CPNE8: variants seen among roughly 807,000 people sequenced by gnomAD.
CPNE8 encodes copine 8, also known as copine-8.
A neutral mutation model predicts 81.5 loss-of-function variants in CPNE8; 45 were observed. The observed-to-expected ratio is 0.55, with a 90% CI of 0.44 to 0.71. The LOEUF is 0.71. CPNE8 is among the 30% of genes least tolerant of loss of function. The pLI is 0.00. For missense variants in CPNE8, 594 were observed against 672.1 expected (o/e 0.88, Z 1.28); for synonymous variants, 252 against 226.3 (o/e 1.11, Z -1.02).
Position 38,699,589 on chromosome 12 carries a change from C to T in CPNE8, c.961+3286G>A, listed in dbSNP as rs374854095. Among the ~76,000 whole-genome samples, 11 of 152,156 alleles carry T rather than the reference C, an allele frequency of 7.2e-5. No homozygotes were observed. The East Asian group carries it at 1.4e-3, about 19-fold the overall frequency. On this transcript the variant is annotated intron_variant, in intron 14 of 19. Coordinates refer to ENST00000331366, the MANE Select transcript of CPNE8 (RefSeq NM_153634.3). Reference sequence around the variant, plus strand: ...TCCTTCCTTCTTTCCTTCCTTCCTTCCTTTCCCTCATTCTTACCTTTTGGT... The same window carrying T: ...TCCTTCCTTCTTTCCTTCCTTCCTTTCTTTCCCTCATTCTTACCTTTTGGT...
chr12:38,661,466 G>C (rs1938951334), intron 19 of CPNE8, among the ~76,000 whole-genome samples: 1 of 152,070 alleles, frequency 6.6e-6, no homozygotes, highest in Non-Finnish European at 1.5e-5. Flanking sequence ...TGGGGGTGGG[G>C]GACGTGGGGA....
At chr12:38,791,234 C>T (rs145233036) in intron 6 of CPNE8, among the ~76,000 whole-genome samples, 120 of 151,640 alleles carry the variant, frequency 7.9e-4, no homozygotes, top group African/African-American at 2.8e-3. Flanking sequence ...TTCATTTCTC[C>T]CAGACTTTAC....
At chr12:38,783,845 T>A (rs1942107447) in intron 6 of CPNE8, among the ~76,000 whole-genome samples, 1 of 152,166 alleles carries the variant, frequency 6.6e-6, no homozygotes, top group African/African-American at 2.4e-5. Flanking sequence ...ACAGTTTAGA[T>A]CACAACACTC....
intron 16 of CPNE8, among the ~76,000 whole-genome samples, chr12:38,680,526 A>C (rs1939386093): frequency 6.6e-6 from 1 of 152,036 alleles, no homozygotes; most frequent in Non-Finnish European, 1.5e-5. Context: ...CAGAGATAAA[A>C]AGGCTTAAAG....
At chr12:38,883,408 T>C (rs1229580015) in intron 1 of CPNE8, among the ~76,000 whole-genome samples, 1 of 152,184 alleles carries the variant, frequency 6.6e-6, no homozygotes, top group South Asian at 2.1e-4. Context: ...AATTAGGCAG[T>C]ATTGGAAAGA....
At chr12:38,818,492 A>G (rs932550563) in intron 6 of CPNE8, among the ~76,000 whole-genome samples, 2 of 152,154 alleles carry the variant, frequency 1.3e-5, no homozygotes, top group Admixed American at 6.5e-5. Context: ...ACAGTATTCT[A>G]TGGTGTATAT....
In CPNE8 at chr12:38,802,607, G is replaced by T. The variant is rs544178307; in HGVS notation, c.408-26306C>A. ...CATCACAATTAAAAGAACTATAAAA[G>T]CAAGAGCAAACACATTCAAAAGCTG... is the stretch of plus-strand genomic sequence containing the variant. On this transcript the variant is annotated intron_variant, in intron 6 of 19. Transcript: ENST00000331366. 2.0e-5 allele frequency among the ~76,000 whole-genome samples: 3 copies of T among 148,252 alleles called. No homozygotes were observed. In the South Asian group the frequency reaches 6.7e-4, roughly 33 times the overall value.
At chr12:38,878,590 C>T (rs1944100549) in intron 1 of CPNE8, among the ~76,000 whole-genome samples, 2 of 152,122 alleles carry the variant, frequency 1.3e-5, no homozygotes, top group Admixed American at 6.6e-5. Flanking sequence ...AAGACAGTTT[C>T]CCATATAGTA....
chr12:38,809,635 C>T (rs530685156), intron 6 of CPNE8, among the ~76,000 whole-genome samples: 19 of 152,220 alleles, frequency 1.2e-4, no homozygotes, highest in Middle Eastern at 3.4e-3. Flanking sequence ...CATGGTCCTC[C>T]CATATAAAAA....
intron 5 of CPNE8, among the ~76,000 whole-genome samples, chr12:38,835,866 C>T (rs987491031): frequency 2.0e-5 from 3 of 152,022 alleles, no homozygotes; most frequent in Admixed American, 6.6e-5. Context: ...CCCATGAATA[C>T]GTCTGAAACA....
chr12:38,792,529 G>GA (rs1592092816), intron 6 of CPNE8, among the ~76,000 whole-genome samples: 1 of 151,504 alleles, frequency 6.6e-6, no homozygotes, highest in South Asian at 2.1e-4. Context: ...ACTGGATCAT[G>GA]AAAAAATAGA....
intron 1 of CPNE8, among the ~76,000 whole-genome samples, chr12:38,888,516 A>G (rs7311812): frequency 0.017 from 2,614 of 152,314 alleles, 32 homozygotes; most frequent in Middle Eastern, 0.031. Flanking sequence ...AGATTTGCAG[A>G]CTCAATAACA....
intron 14 of CPNE8, among the ~76,000 whole-genome samples, chr12:38,701,435 A>G (rs1467737446): frequency 6.6e-6 from 1 of 152,084 alleles, no homozygotes; most frequent in African/African-American, 2.4e-5. Flanking sequence ...CAGTGAACAC[A>G]ATCTAGTATT....
chr12:38,868,001 T>A (rs552567004), intron 3 of CPNE8, among the ~76,000 whole-genome samples: 2 of 152,298 alleles, frequency 1.3e-5, no homozygotes, highest in South Asian at 4.1e-4. Context: ...AGCATTTGTT[T>A]CAATACATTT....
rs190740547 is a variant in CPNE8, at chr12:38,844,951, G to A, written c.290+3608C>T. 4.1e-3 allele frequency among the ~76,000 whole-genome samples: 624 copies of A among 152,054 alleles called. 3 individuals carry two copies. The highest frequency in any genetic ancestry group is 0.017 in the Middle Eastern group (5 of 294). On this transcript the variant is annotated intron_variant, in intron 4 of 19. Transcript: ENST00000331366. ...TCTTTCAGCATGCTGTTCCTTCAACGAACTACATTACTACAGTGAAAATTG... is the reference window on the plus strand; with the variant it reads ...TCTTTCAGCATGCTGTTCCTTCAACAAACTACATTACTACAGTGAAAATTG...
intron 1 of CPNE8, among the ~76,000 whole-genome samples, chr12:38,878,225 T>A (rs1051173232): frequency 7.2e-5 from 11 of 152,354 alleles, no homozygotes; most frequent in African/African-American, 2.2e-4. Context: ...CTTTTCTTTC[T>A]TAATAAACTT....
intron 19 of CPNE8, among the ~76,000 whole-genome samples, chr12:38,660,794 G>T (rs912629133): frequency 1.3e-5 from 2 of 152,080 alleles, no homozygotes; most frequent in African/African-American, 4.8e-5. Flanking sequence ...TCTAAAAGTG[G>T]GCAAAGGATA....
chr12:38,762,531 G>C (rs1035767456), intron 8 of CPNE8, among the ~76,000 whole-genome samples: 1 of 152,148 alleles, frequency 6.6e-6, no homozygotes, highest in African/African-American at 2.4e-5. Context: ...AAGAATATGA[G>C]GATCACCAGC....
chr12:38,757,453 A>G (rs771888387), intron 10 of CPNE8, among the ~76,000 whole-genome samples: 1 of 151,984 alleles, frequency 6.6e-6, no homozygotes, highest in Non-Finnish European at 1.5e-5. Flanking sequence ...CACAGTGATC[A>G]TTATTATTAA....
Sources: gnomAD v4.1 joint callset for allele counts (sites outside exome capture counted in the v4.1 genomes callset) on GRCh38, gnomAD v4.1.1 for gene constraint, MANE v1.5 for transcripts, NCBI Gene and HGNC (gene_info 2026-07-23, HGNC 2026-07-21) for gene names.